The following TMEM248 variants were observed in gnomAD, a reference collection of about 807,000 sequenced individuals.
The protein encoded by TMEM248 is UPF0458 protein C7orf42.
Under a neutral mutation model 30.3 loss-of-function variants are expected in TMEM248, and 9 were observed. The ratio of observed to expected loss-of-function variants is 0.30; its 90% CI spans 0.18 to 0.52. The LOEUF (loss-of-function observed/expected upper bound fraction) is 0.52. TMEM248 is among the 20% of genes least tolerant of loss of function. TMEM248 has a pLI of 0.97. For missense variants in TMEM248, 338 were observed against 403.3 expected, an observed-to-expected ratio of 0.84 and a Z score of 1.39; for synonymous variants, 184 against 154.4, an observed-to-expected ratio of 1.19 and a Z score of -1.42.
At chr7:66,926,997 C>T (rs988706513) in intron 1 of TMEM248, among the ~76,000 whole-genome samples, 1 of 152,130 alleles carries the variant, frequency 6.6e-6, no homozygotes. Context: ...AGGTTTCATA[C>T]TGAACTATTA....
chr7:66,935,006 G>T (rs1033306926), intron 1 of TMEM248, among the ~76,000 whole-genome samples: 1 of 151,930 alleles, frequency 6.6e-6, no homozygotes, highest in Non-Finnish European at 1.5e-5. Flanking sequence ...AGTGAGCTGA[G>T]ATTGTGCCCC....
chr7:66,934,814 G>A (rs1271530343), intron 1 of TMEM248, among the ~76,000 whole-genome samples: 5 of 152,160 alleles, frequency 3.3e-5, no homozygotes, highest in Non-Finnish European at 4.4e-5. Context: ...CACTGTGGGA[G>A]GCCAGGGTGG....
At chr7:66,939,777 G>A (rs1351252915) in intron 1 of TMEM248, among the ~76,000 whole-genome samples, 2 of 148,262 alleles carry the variant, frequency 1.3e-5, no homozygotes, top group African/African-American at 2.5e-5. Context: ...GGGTGACCAA[G>A]GAAGGTGTGC....
At chr7:66,944,898 TG>T in intron 2 of TMEM248, 77 bp from the exon 3 acceptor site, 1 of 1,500,590 alleles carries the variant, frequency 6.7e-7, no homozygotes, top group Non-Finnish European at 9.1e-7. Context: ...GGTGCCACAC[TG>T]GGGTCTTACC....
intron 2 of TMEM248, among the ~76,000 whole-genome samples, chr7:66,943,437 A>G (rs1792015542): frequency 6.6e-6 from 1 of 152,350 alleles, no homozygotes; most frequent in South Asian, 2.1e-4. Flanking sequence ...AACTTTGGTT[A>G]TGATTAGTTT....
chr7:66,954,448 C>T (rs1461308400), intron 6 of TMEM248, among the ~76,000 whole-genome samples: 26 of 140,498 alleles, frequency 1.9e-4, no homozygotes, highest in Non-Finnish European at 3.3e-4. Context: ...TAGAGTGGTG[C>T]GATCGTAGCT....
intron 3 of TMEM248, among the ~76,000 whole-genome samples, chr7:66,946,414 C>T (rs1254236105): frequency 6.6e-6 from 1 of 151,704 alleles, no homozygotes; most frequent in Non-Finnish European, 1.5e-5. Context: ...CCCATCTCTA[C>T]TAAAAATGCA....
At chr7:66,946,901 G>A (rs1203725620) in intron 3 of TMEM248, among the ~76,000 whole-genome samples, 1 of 152,010 alleles carries the variant, frequency 6.6e-6, no homozygotes, top group Non-Finnish European at 1.5e-5. Flanking sequence ...TTTGTTCTTT[G>A]GTTACCAAAA....
At chr7:66,943,126 C>T (rs1253869455) in intron 2 of TMEM248, among the ~76,000 whole-genome samples, 5 of 152,104 alleles carry the variant, frequency 3.3e-5, no homozygotes, top group Non-Finnish European at 4.4e-5. Context: ...AAGAGACATA[C>T]TGGCTGGCTT....
chr7:66,944,462 G>A (rs540030311), intron 2 of TMEM248, among the ~76,000 whole-genome samples: 14 of 152,282 alleles, frequency 9.2e-5, no homozygotes, highest in African/African-American at 3.4e-4. Flanking sequence ...ATAAGAAGGG[G>A]GGCAGTGTCC....
At chr7:66,950,846 C>T (rs1385218226) in intron 4 of TMEM248, 106 bp from the exon 5 acceptor site, 1 of 844,532 alleles carries the variant, frequency 1.2e-6, no homozygotes, top group Non-Finnish European at 1.7e-6. Flanking sequence ...TTTTCCTTTC[C>T]ATGTGTGTTG....
intron 2 of TMEM248, among the ~76,000 whole-genome samples, chr7:66,943,985 A>G (rs1229344675): frequency 1.3e-5 from 2 of 151,690 alleles, no homozygotes; most frequent in Non-Finnish European, 2.9e-5. Context: ...AGTAGAGACA[A>G]GGTTTCACCA....
At chr7:66,940,857 A>T (rs1424960383) in intron 1 of TMEM248, among the ~76,000 whole-genome samples, 5 of 152,322 alleles carry the variant, frequency 3.3e-5, no homozygotes, top group African/African-American at 1.2e-4. Context: ...GAGCATCCTC[A>T]CTTTCTTTCT....
chr7:66,924,952 G>A (rs942787652), intron 1 of TMEM248, among the ~76,000 whole-genome samples: 24 of 151,656 alleles, frequency 1.6e-4, no homozygotes, highest in African/African-American at 4.6e-4. Flanking sequence ...CTCGTGATCC[G>A]CCCGCCTTGG....
intron 5 of TMEM248, 61 bp from the exon 6 acceptor site, chr7:66,953,165 A>G: frequency 6.3e-7 from 1 of 1,581,362 alleles, no homozygotes; most frequent in Admixed American, 1.7e-5. Flanking sequence ...AAAACCCAGC[A>G]TTAAAACCTT....
intron 1 of TMEM248, chr7:66,930,985 AC>A (rs1791648461): frequency 6.6e-6 from 1 of 152,502 alleles, no homozygotes; most frequent in Admixed American, 6.6e-5. Flanking sequence ...TTCCCATTTA[AC>A]CTAAGGTAGA....
chr7:66,922,074 C>T (rs1791399549), intron 1 of TMEM248: 1 of 152,202 alleles, frequency 6.6e-6, no homozygotes, highest in Non-Finnish European at 1.5e-5. Flanking sequence ...CGTTTGAACG[C>T]CGTACCCATC....
chr7:66,930,460 C>T (rs1791634909), intron 1 of TMEM248, among the ~76,000 whole-genome samples: 2 of 152,160 alleles, frequency 1.3e-5, no homozygotes, highest in Non-Finnish European at 2.9e-5. Context: ...GGAGTGGAAA[C>T]TGGGAGAGGA....
chr7:66,951,306 A>G (rs1271560010), intron 5 of TMEM248, 171 bp downstream of exon 5: 8 of 514,254 alleles, frequency 1.6e-5, no homozygotes, highest in Non-Finnish European at 2.5e-5. Flanking sequence ...GGATGCTTGG[A>G]AAAACATGTT....
Sources: allele counts gnomAD v4.1 joint callset (sites outside exome capture counted in the v4.1 genomes callset), GRCh38; gene constraint gnomAD v4.1.1; transcripts MANE v1.5; gene names NCBI Gene and HGNC (gene_info 2026-07-23, HGNC 2026-07-21).